AXDND1: variants seen among roughly 807,000 people sequenced by gnomAD.
The protein encoded by AXDND1 is axonemal dynein light chain domain-containing protein 1.
A neutral mutation model predicts 137.5 loss-of-function variants in AXDND1; 110 were observed. The observed-to-expected ratio is 0.80, with a 90% CI of 0.69 to 0.94. AXDND1 has a LOEUF of 0.94. Among genes scored for constraint, AXDND1 ranks in the 40% least tolerant of loss-of-function variants. AXDND1 has a pLI of 0.00. For missense variants in AXDND1, 1,191 were observed against 1,169.8 expected, an observed-to-expected ratio of 1.02 and a Z score of -0.26; for synonymous variants, 414 against 399.7, an observed-to-expected ratio of 1.04 and a Z score of -0.43.
At chr1:179,463,923 C>T (rs1662741157) in intron 16 of AXDND1, among the ~76,000 whole-genome samples, 1 of 152,086 alleles carries the variant, frequency 6.6e-6, no homozygotes, top group African/African-American at 2.4e-5. Flanking sequence ...TCTGTTTTAT[C>T]AGAGACTAGG....
chr1:179,370,115 T>C, intron 4 of AXDND1, 37 bp downstream of exon 4: 2 of 1,507,400 alleles, frequency 1.3e-6, no homozygotes, highest in Non-Finnish European at 1.8e-6. Context: ...TGCTGATAAA[T>C]AGAGTTGTTT....
At chr1:179,517,585 A>G (rs997808142) in intron 21 of AXDND1, among the ~76,000 whole-genome samples, 1 of 152,202 alleles carries the variant, frequency 6.6e-6, no homozygotes, top group Non-Finnish European at 1.5e-5. Context: ...CCAGGCAGGA[A>G]TGGCCTGCTT....
chr1:179,548,273 T>A (rs1672828710), intron 25 of AXDND1, among the ~76,000 whole-genome samples: 1 of 152,228 alleles, frequency 6.6e-6, no homozygotes, highest in South Asian at 2.1e-4. Context: ...TTATTAAGAA[T>A]TTACCTTGTG....
chr1:179,445,700 A>G (rs577933379), intron 16 of AXDND1, among the ~76,000 whole-genome samples: 17 of 152,238 alleles, frequency 1.1e-4, no homozygotes, highest in Non-Finnish European at 2.4e-4. Context: ...ACCCATTTTT[A>G]TGGCCTAATA....
chr1:179,457,205 A>G (rs1251336280), intron 16 of AXDND1: 1 of 753,816 alleles, frequency 1.3e-6, no homozygotes, highest in African/African-American at 1.7e-5. Flanking sequence ...TCATTACCAC[A>G]CAGTCCATGA....
intron 12 of AXDND1, among the ~76,000 whole-genome samples, chr1:179,420,064 G>A (rs1331374069): frequency 2.0e-5 from 3 of 152,316 alleles, no homozygotes; most frequent in Non-Finnish European, 1.5e-5. Context: ...TCAGTACAAT[G>A]TTAACTGTGG....
At chr1:179,545,973 A>G (rs1572234093) in intron 25 of AXDND1, 1 of 152,342 alleles carries the variant, frequency 6.6e-6, no homozygotes, top group African/African-American at 2.4e-5. Flanking sequence ...GTTTTGAAGA[A>G]CTAGGCTGGG....
chr1:179,397,375 T>C (rs1651226554), intron 11 of AXDND1, among the ~76,000 whole-genome samples: 1 of 152,202 alleles, frequency 6.6e-6, no homozygotes, highest in South Asian at 2.1e-4. Context: ...ATGGGCTTCC[T>C]TTTGTAGGTG....
chr1:179,432,158 A>C, intron 14 of AXDND1, 109 bp from the exon 15 acceptor site: 1 of 1,373,680 alleles, frequency 7.3e-7, no homozygotes, highest in South Asian at 1.4e-5. Flanking sequence ...GCATGCTTCA[A>C]AATTATTGAG....
At chr1:179,554,379 G>T in intron 25 of AXDND1, 133 bp from the exon 26 acceptor site, 1 of 1,413,850 alleles carries the variant, frequency 7.1e-7, no homozygotes, top group Non-Finnish European at 1.0e-6. Context: ...TATGGCTATA[G>T]TACTCAGTGA....
intron 9 of AXDND1, among the ~76,000 whole-genome samples, chr1:179,389,879 A>G (rs1469854774): frequency 6.6e-6 from 1 of 152,174 alleles, no homozygotes; most frequent in Non-Finnish European, 1.5e-5. Flanking sequence ...TCTTGAGGTG[A>G]TAAACTCCCT....
At chr1:179,496,971 T>C (rs910389819) in intron 20 of AXDND1, among the ~76,000 whole-genome samples, 1 of 152,130 alleles carries the variant, frequency 6.6e-6, no homozygotes, top group African/African-American at 2.4e-5. Flanking sequence ...TATTTAGAAG[T>C]ATATTTAGTT....
At chr1:179,517,309 A>G (rs571337786) in intron 21 of AXDND1, among the ~76,000 whole-genome samples, 1 of 152,234 alleles carries the variant, frequency 6.6e-6, no homozygotes, top group African/African-American at 2.4e-5. Context: ...TGCCCCTACT[A>G]ACAGCCTTAA....
intron 2 of AXDND1, among the ~76,000 whole-genome samples, chr1:179,368,423 G>T (rs1038846214): frequency 6.6e-5 from 10 of 152,098 alleles, no homozygotes; most frequent in African/African-American, 1.4e-4. Flanking sequence ...TGACAGCTTG[G>T]GGGGAGAGAT....
chr1:179,432,225 C>A, intron 14 of AXDND1, 42 bp from the exon 15 acceptor site: 2 of 1,489,464 alleles, frequency 1.3e-6, no homozygotes, highest in South Asian at 1.3e-5. Context: ...TTGTTTATGT[C>A]TTGTTCTGAG....
intron 25 of AXDND1, among the ~76,000 whole-genome samples, chr1:179,554,069 C>T (rs764228390): frequency 4.6e-5 from 7 of 152,078 alleles, no homozygotes; most frequent in Non-Finnish European, 1.0e-4. Context: ...TGTGCTACCA[C>T]GCCCAGCTAA....
At chr1:179,413,640 A>T (rs1654239252) in intron 12 of AXDND1, among the ~76,000 whole-genome samples, 2 of 152,176 alleles carry the variant, frequency 1.3e-5, no homozygotes, top group Admixed American at 1.3e-4. Flanking sequence ...TACCCAATTA[A>T]TCATTGATGG....
chr1:179,419,198 C>T (rs1178260039), intron 12 of AXDND1, among the ~76,000 whole-genome samples: 5 of 151,828 alleles, frequency 3.3e-5, no homozygotes, highest in Admixed American at 2.0e-4. Flanking sequence ...AGAGGCTCCT[C>T]ACTTCCCAGA....
intron 23 of AXDND1, among the ~76,000 whole-genome samples, chr1:179,528,753 G>A (rs1176718297): frequency 6.8e-6 from 1 of 147,568 alleles, no homozygotes; most frequent in African/African-American, 2.5e-5. Flanking sequence ...TACCATGCCC[G>A]GCTAATTTTT....
Sources: allele counts gnomAD v4.1 joint callset (sites outside exome capture counted in the v4.1 genomes callset), GRCh38; gene constraint gnomAD v4.1.1; transcripts MANE v1.5; gene names NCBI Gene and HGNC (gene_info 2026-07-23, HGNC 2026-07-21).